INPP1: variants seen among roughly 807,000 people sequenced by gnomAD.
INPP1 encodes inositol polyphosphate-1-phosphatase, also known as inositol polyphosphate 1-phosphatase.
In INPP1, 18 loss-of-function variants were observed where a neutral mutation model predicts 23.0. The observed-to-expected ratio is 0.78, with a 90% CI of 0.54 to 1.16. The LOEUF is 1.16. INPP1 is among the 50% of genes most tolerant of loss of function. The pLI, the probability that INPP1 is intolerant of heterozygous loss-of-function variation, is 0.00. For missense variants in INPP1, 448 were observed against 482.1 expected, an observed-to-expected ratio of 0.93 and a Z score of 0.66; for synonymous variants, 164 against 176.3, an observed-to-expected ratio of 0.93 and a Z score of 0.55.
Position 190,352,638 on chromosome 2 carries a change from C to T in INPP1, c.-65+3607C>T, listed in dbSNP as rs72917444. The stretch of plus-strand genomic sequence containing the variant: ...CCTGTCCCTTCTGCACAAACAACCT[C>T]CAATCTTTAAAACTACTCCCCAAGG... On this transcript the variant is annotated intron_variant, in intron 2 of 6. Transcript: ENST00000392329. The surrounding 1 kb of genome is among the most constrained non-coding windows in gnomAD (Gnocchi z 4.7). 0.024 allele frequency among the ~76,000 whole-genome samples: 3,590 copies of T among 152,182 alleles called. 53 individuals are homozygous for T. The highest frequency in any genetic ancestry group is 0.035 in the Non-Finnish European group (2,348 of 68,010).
chr2:190,360,366 A>G (rs545124183), intron 3 of INPP1, 60 bp downstream of exon 3: 4 of 1,445,132 alleles, frequency 2.8e-6, no homozygotes, highest in South Asian at 1.2e-5. Flanking sequence ...TTTCTCCATC[A>G]TAGAATAGCA....
rs1332577346 is a variant in INPP1, at chr2:190,369,196, G to A, written c.560G>A (p.Gly187Asp). 1 of 1,606,934 alleles carries A rather than the reference G, an allele frequency of 6.2e-7. No homozygotes were observed. The highest frequency in any genetic ancestry group is 1.3e-5 in the African/African-American group (1 of 74,768). Residue 187 changes from glycine to aspartate, a missense_variant, in exon 6 of 7, where the codon GGT (glycine) becomes GAT (aspartate). Physicochemically the swap from Gly to Asp is moderately conservative, Grantham distance 94 (BLOSUM62 -1). Coordinates refer to ENST00000392329, the MANE Select transcript of INPP1 (RefSeq NM_001128928.2). Reference protein sequence around the residue: ...CGLQCVTILIGVYDIQTGVPL... With the variant: ...CGLQCVTILIDVYDIQTGVPL... ...CTTCAGTGTGTCACCATTTTAATTG[G>A]TGTCTATGACATACAGACAGGGGTT... is the stretch of plus-strand genomic sequence containing the variant.
At chr2:190,358,072 A>ATTTTTTTTTTTTTTTT (rs749071988) in intron 2 of INPP1, among the ~76,000 whole-genome samples, 1 of 111,398 alleles carries the variant, frequency 9.0e-6, no homozygotes, top group Non-Finnish European at 1.8e-5. Context: ...CATTAAGGGA[A>ATTTTTTTTTTTTTTTT]TTTTTTTTTT....
In INPP1 at chr2:190,345,778, G is replaced by A. The variant is rs144675357; in HGVS notation, c.-209+1817G>A. Among the ~76,000 whole-genome samples the A allele has an allele frequency of 0.013, 1,982 of 152,304 alleles. 53 individuals are homozygous for A. Among genetic ancestry groups the A allele is most frequent in the African/African-American group, 0.044 (1,830 of 41,572 alleles). On this transcript the variant is annotated intron_variant, in intron 1 of 6. Coordinates refer to ENST00000392329, the MANE Select transcript of INPP1 (RefSeq NM_001128928.2). This position sits in a 1 kb window ranked among gnomAD's most constrained non-coding sequence, Gnocchi z 4.9. ...GGAGGCCAAGGCAGGTGGATCACTT[G>A]AGGTTAGGAGTTCGAGACCAGCCTG...
intron 2 of INPP1, among the ~76,000 whole-genome samples, chr2:190,359,445 T>C (rs1689488695): frequency 6.6e-6 from 1 of 151,542 alleles, no homozygotes; most frequent in Non-Finnish European, 1.5e-5. Context: ...TAGTCCCACC[T>C]ACTCGGGAGG....
intron 3 of INPP1, among the ~76,000 whole-genome samples, chr2:190,362,253 A>G (rs1219032247): frequency 6.6e-6 from 1 of 152,210 alleles, no homozygotes; most frequent in Non-Finnish European, 1.5e-5. Context: ...TGCCTTGTAT[A>G]AGCTACTGGG....
intron 3 of INPP1, among the ~76,000 whole-genome samples, chr2:190,360,913 T>C (rs1689521950): frequency 6.6e-6 from 1 of 152,230 alleles, no homozygotes; most frequent in East Asian, 1.9e-4. Flanking sequence ...ATACTGTTCT[T>C]TGTTATAAAC....
At chr2:190,350,443 A>C (rs528537546) in intron 2 of INPP1, among the ~76,000 whole-genome samples, 57 of 152,306 alleles carry the variant, frequency 3.7e-4, no homozygotes, top group African/African-American at 1.3e-3. Flanking sequence ...CCTTTCTAAA[A>C]GTCTCTATTT....
At position 190,367,942 on chromosome 2, in the gene INPP1, T is replaced by C. The variant is rs1689714679; in HGVS notation, c.466+1047T>C. Among the ~76,000 whole-genome samples the C allele has an allele frequency of 6.6e-6, 1 of 152,114 alleles. No homozygotes were observed. The highest frequency in any genetic ancestry group is 6.6e-5 in the Admixed American group (1 of 15,264). Reference sequence around the variant, plus strand: ...TTAATAAGCTCCCCCTTCCTTTTTTTTCTTCCCCACCCAACACAATGGGAC... The same window carrying C: ...TTAATAAGCTCCCCCTTCCTTTTTTCTCTTCCCCACCCAACACAATGGGAC... On this transcript the variant is annotated intron_variant, in intron 5 of 6. Coordinates refer to ENST00000392329, the MANE Select transcript of INPP1 (RefSeq NM_001128928.2). This position sits in a 1 kb window ranked among gnomAD's most constrained non-coding sequence, Gnocchi z 4.1.
chr2:190,361,291 G>A (rs140849838), intron 3 of INPP1, among the ~76,000 whole-genome samples: 128 of 152,150 alleles, frequency 8.4e-4, no homozygotes, highest in African/African-American at 2.9e-3. Context: ...CATTACATTT[G>A]GGAGAATAGA....
Position 190,345,855 on chromosome 2 carries a change from GT to G in INPP1, c.-209+1895del, listed in dbSNP as rs1444572286. 2.0e-5 allele frequency among the ~76,000 whole-genome samples: 3 copies of G among 152,106 alleles called. No individual in the cohort carries two copies. Among genetic ancestry groups the G allele is most frequent in the Non-Finnish European group, 4.4e-5 (3 of 68,010 alleles). ...GTAAAAATACAAAAATTAGCCAGGCGTGGTAGCAAGCACCTGTAGTCCCAGC... is the reference window on the plus strand; with the variant it reads ...GTAAAAATACAAAAATTAGCCAGGCGGGTAGCAAGCACCTGTAGTCCCAGC... On this transcript the variant is annotated intron_variant, in intron 1 of 6. Transcript: ENST00000392329. This position sits in a 1 kb window ranked among gnomAD's most constrained non-coding sequence, Gnocchi z 4.9.
At chr2:190,351,882 T>C (rs1689330177) in intron 2 of INPP1, among the ~76,000 whole-genome samples, 2 of 152,204 alleles carry the variant, frequency 1.3e-5, no homozygotes, top group Admixed American at 6.5e-5. Context: ...TTACAAATAG[T>C]TTTCCAAAAT....
intron 5 of INPP1, 41 bp downstream of exon 5, chr2:190,366,936 T>G: frequency 7.2e-7 from 1 of 1,392,808 alleles, no homozygotes; most frequent in Non-Finnish European, 1.0e-6. Context: ...TTGCAATCTT[T>G]TTTTTGGTGG....
rs1174777049 is a variant in INPP1, at chr2:190,371,376, C to G, written c.1174C>G (p.Leu392Val). The change falls in exon 7 of 7, where the codon CTG becomes GTG. Residue 392 changes from leucine to valine, a missense_variant. Transcript: ENST00000392329. This position sits in a 1 kb window ranked among gnomAD's most constrained non-coding sequence, Gnocchi z 5.3. ...ATTCCTGAGCCTCCTGGTCCAAAAC[C>G]TGGCACCTGCAGAGACGCATACCTA... ...ETFLSLLVQNLAPAETHT is the reference protein window; with the variant it reads ...ETFLSLLVQNVAPAETHT 2 of 1,531,798 alleles carry G rather than the reference C, an allele frequency of 1.3e-6. No homozygotes were observed. The highest frequency in any genetic ancestry group is 1.4e-5 in the African/African-American group (1 of 72,138). 94.9% of individuals were successfully genotyped at this position (1,531,798 alleles called of 1,614,324 possible). A position where few individuals can be genotyped will look rare whatever the true frequency, so the allele number is the denominator to read the frequency against.
chr2:190,359,358 T>A (rs1365170506), intron 2 of INPP1, among the ~76,000 whole-genome samples: 1 of 151,354 alleles, frequency 6.6e-6, no homozygotes, highest in African/African-American at 2.4e-5. Flanking sequence ...TTTAGAAAAG[T>A]TGCCCTGGAT....
rs986877722 is a variant in INPP1, at chr2:190,368,337, G to A, written c.467-766G>A. On this transcript the variant is annotated intron_variant, in intron 5 of 6. Transcript: ENST00000392329. This position sits in a 1 kb window ranked among gnomAD's most constrained non-coding sequence, Gnocchi z 4.3. The stretch of plus-strand genomic sequence containing the variant: ...TAGTTTCTCTGCCTCTGTTTCATAG[G>A]AGCTCCGTTAATTTCTTTTTTTGGT... Among the ~76,000 whole-genome samples the A allele has an allele frequency of 6.6e-6, 1 of 152,134 alleles. No individual in the cohort carries two copies. The highest frequency in any genetic ancestry group is 1.5e-5 in the Non-Finnish European group (1 of 68,024).
In INPP1 at chr2:190,362,582, G is replaced by A. The variant is rs770050683; in HGVS notation, c.205-45G>A. 6.7e-6 allele frequency: 8 copies of A among 1,193,562 alleles called. No individual in the cohort carries two copies. The East Asian group carries it at 1.4e-4, about 21-fold the overall frequency. The allele number at this position is 1,193,562 out of a possible 1,614,324, so 73.9% of individuals were successfully genotyped here. On this transcript the variant is annotated intron_variant, in intron 3 of 6. Transcript: ENST00000392329. ...GAAATCTGTTCAGAATTGAGCATAT[G>A]TGTGGGTTTTTGTTTTGTTTTTCGT...
At chr2:190,347,233 G>A (rs991300930) in intron 1 of INPP1, among the ~76,000 whole-genome samples, 4 of 151,642 alleles carry the variant, frequency 2.6e-5, no homozygotes, top group Non-Finnish European at 4.4e-5. Context: ...GGATGGTCTC[G>A]ATCTCCTGAC....
At chr2:190,347,702 C>A (rs1395990901) in intron 1 of INPP1, among the ~76,000 whole-genome samples, 2 of 152,166 alleles carry the variant, frequency 1.3e-5, no homozygotes, top group Non-Finnish European at 2.9e-5. Context: ...CAGTGGTAGG[C>A]TTTGCTCAAT....
Sources: gnomAD v4.1 joint callset for allele counts (sites outside exome capture counted in the v4.1 genomes callset) on GRCh38, gnomAD v4.1.1 for gene constraint, Gnocchi (gnomAD v3.1) non-coding constraint, MANE v1.5 for transcripts, NCBI Gene and HGNC (gene_info 2026-07-23, HGNC 2026-07-21) for gene names.